The following CNOT6L variants were observed in gnomAD, a reference collection of about 807,000 sequenced individuals.
CNOT6L encodes CCR4-NOT transcription complex subunit 6 like, also known as CCR4-NOT transcription complex subunit 6-like.
Under a neutral mutation model 64.0 loss-of-function variants are expected in CNOT6L, and 7 were observed. The ratio of observed to expected loss-of-function variants is 0.11; its 90% CI spans 0.06 to 0.21. CNOT6L has a LOEUF of 0.21. CNOT6L is among the 10% of genes least tolerant of loss of function. The pLI is 1.00. For missense variants in CNOT6L, 245 were observed against 669.0 expected (o/e 0.37, Z 6.99); for synonymous variants, 193 against 243.4 (o/e 0.79, Z 1.93).
intron 11 of CNOT6L, among the ~76,000 whole-genome samples, 169 bp from the exon 12 acceptor site, chr4:77,720,812 T>A (rs1041803363): frequency 7.2e-5 from 11 of 152,132 alleles, no homozygotes; most frequent in Admixed American, 3.9e-4. Flanking sequence ...GAAATAAAGG[T>A]GGCTCAATAG....
chr4:77,726,687 G>C lies in CNOT6L; in HGVS notation c.1253-318C>G, dbSNP rs546755191. Among the ~76,000 whole-genome samples the C allele has an allele frequency of 5.8e-4, 89 of 152,276 alleles. No individual in the cohort carries two copies. In the South Asian group the frequency reaches 9.5e-3, roughly 16 times the overall value. ...CAGGACCTAGGATGGCATTCACCAGGAAGGTATTAACCCTAAATGTTTTTG... is the reference window on the plus strand; with the variant it reads ...CAGGACCTAGGATGGCATTCACCAGCAAGGTATTAACCCTAAATGTTTTTG... On this transcript the variant is annotated intron_variant, in intron 10 of 11. Transcript: ENST00000504123.
At chr4:77,779,897 G>A (rs1003167408) in intron 1 of CNOT6L, among the ~76,000 whole-genome samples, 1 of 152,150 alleles carries the variant, frequency 6.6e-6, no homozygotes, top group Non-Finnish European at 1.5e-5. Context: ...CCGGGAGGCG[G>A]AGCTTGCAGT....
At position 77,717,897 on chromosome 4, in the gene CNOT6L, A is replaced by T. The variant is rs538523751; in HGVS notation, c.*2534T>A. ...CAGAGCTACTACCAACATTTACTAA[A>T]ACCACATTAAAAATACACAGGATAA... On this transcript the variant is annotated 3_prime_UTR_variant, in exon 12 of 12. Coordinates refer to ENST00000504123, the MANE Select transcript of CNOT6L (RefSeq NM_144571.3). 1 of 152,558 alleles carries T rather than the reference A, an allele frequency of 6.6e-6. No individual in the cohort carries two copies. The highest frequency in any genetic ancestry group is 1.5e-5 in the Non-Finnish European group (1 of 68,008). The allele number at this position is 152,558 out of a possible 1,614,324, so 9.5% of individuals were successfully genotyped here.
intron 1 of CNOT6L, among the ~76,000 whole-genome samples, chr4:77,784,867 C>T (rs1228233467): frequency 6.6e-6 from 1 of 152,160 alleles, no homozygotes; most frequent in African/African-American, 2.4e-5. Flanking sequence ...GTATCAACTT[C>T]CTTTTCATCA....
chr4:77,762,335 A>T (rs1430587165), intron 4 of CNOT6L, among the ~76,000 whole-genome samples: 1 of 152,188 alleles, frequency 6.6e-6, no homozygotes, highest in Admixed American at 6.5e-5. Context: ...AGCTGATCAT[A>T]AAACTACAAC....
chr4:77,768,486 T>TATATAA (rs1461835857), intron 4 of CNOT6L, among the ~76,000 whole-genome samples: 1 of 3,782 alleles, frequency 2.6e-4, no homozygotes, highest in Non-Finnish European at 1.1e-3. Flanking sequence ...TATATATATA[T>TATATAA]ATATATATAT....
intron 4 of CNOT6L, among the ~76,000 whole-genome samples, chr4:77,763,220 A>G (rs533381349): frequency 2.6e-5 from 4 of 152,230 alleles, no homozygotes; most frequent in South Asian, 2.1e-4. Context: ...CATTAAAAAC[A>G]AAGAGTAGAA....
At chr4:77,767,310 TCAAA>T (rs1012811859) in intron 4 of CNOT6L, among the ~76,000 whole-genome samples, 21 of 152,168 alleles carry the variant, frequency 1.4e-4, no homozygotes, top group African/African-American at 2.2e-4. Flanking sequence ...ATTCCAGAGT[TCAAA>T]CAGAGTTTTT....
chr4:77,809,564 A>C (rs1473645172), intron 1 of CNOT6L, among the ~76,000 whole-genome samples: 1 of 152,180 alleles, frequency 6.6e-6, no homozygotes, highest in African/African-American at 2.4e-5. Flanking sequence ...AACCTATAGA[A>C]GAATATACCC....
intron 1 of CNOT6L, among the ~76,000 whole-genome samples, chr4:77,783,901 T>C (rs1307033918): frequency 6.7e-6 from 1 of 148,824 alleles, no homozygotes; most frequent in Non-Finnish European, 1.5e-5. Context: ...ATTTATTAAA[T>C]ATATTAATAT....
At chr4:77,725,004 C>T (rs1005618348) in intron 11 of CNOT6L, among the ~76,000 whole-genome samples, 1 of 152,126 alleles carries the variant, frequency 6.6e-6, no homozygotes, top group African/African-American at 2.4e-5. Flanking sequence ...CGGCAAACAC[C>T]ACAAATCAGA....
At chr4:77,728,526 C>T (rs2109881665) in intron 10 of CNOT6L, among the ~76,000 whole-genome samples, 1 of 152,266 alleles carries the variant, frequency 6.6e-6, no homozygotes, top group East Asian at 1.9e-4. Flanking sequence ...ATTATGTGGC[C>T]CTTTCCTACA....
At chr4:77,794,896 T>C (rs1730630718) in intron 1 of CNOT6L, among the ~76,000 whole-genome samples, 1 of 151,768 alleles carries the variant, frequency 6.6e-6, no homozygotes. Context: ...CTACAAAAAA[T>C]CTAACAGAAT....
At chr4:77,764,471 T>A (rs1726585131) in intron 4 of CNOT6L, among the ~76,000 whole-genome samples, 1 of 152,204 alleles carries the variant, frequency 6.6e-6, no homozygotes, top group Admixed American at 6.5e-5. Flanking sequence ...TCTCTGCCTA[T>A]GGAGTAGTCA....
At chr4:77,801,898 C>G (rs1211155106) in intron 1 of CNOT6L, among the ~76,000 whole-genome samples, 1 of 152,084 alleles carries the variant, frequency 6.6e-6, no homozygotes, top group Non-Finnish European at 1.5e-5. Flanking sequence ...AAAACTATGT[C>G]CCCCTGTCCT....
At chr4:77,758,210 C>A (rs532415977) in intron 4 of CNOT6L, among the ~76,000 whole-genome samples, 19 of 151,940 alleles carry the variant, frequency 1.3e-4, no homozygotes, top group Non-Finnish European at 2.5e-4. Flanking sequence ...AAGGTGTATA[C>A]CTTTGTCAAA....
chr4:77,729,609 TAG>T (rs1368939489), intron 9 of CNOT6L, among the ~76,000 whole-genome samples: 3 of 152,154 alleles, frequency 2.0e-5, no homozygotes, highest in Non-Finnish European at 4.4e-5. Context: ...AAATCAGAAT[TAG>T]AGAGTAGTGT....
chr4:77,800,621 C>A (rs1434296211), intron 1 of CNOT6L, among the ~76,000 whole-genome samples: 1 of 152,058 alleles, frequency 6.6e-6, no homozygotes, highest in Admixed American at 6.5e-5. Context: ...CCAAATTATA[C>A]AATATTTTAA....
At chr4:77,735,134 TGTGGG>T (rs1560577655) in intron 8 of CNOT6L, among the ~76,000 whole-genome samples, 7 of 152,150 alleles carry the variant, frequency 4.6e-5, no homozygotes, top group African/African-American at 1.7e-4. Context: ...AGTCCAGGGA[TGTGGG>T]CCCCTTGTGG....
Sources: allele counts gnomAD v4.1 joint callset (sites outside exome capture counted in the v4.1 genomes callset), GRCh38; gene constraint gnomAD v4.1.1; transcripts MANE v1.5; gene names NCBI Gene and HGNC (gene_info 2026-07-23, HGNC 2026-07-21).